FSTL5: variants seen among roughly 807,000 people sequenced by gnomAD.
FSTL5 encodes the protein follistatin-related protein 5.
In FSTL5, 62 loss-of-function variants were observed where a neutral mutation model predicts 89.1. The observed-to-expected ratio is 0.70, with a 90% CI of 0.57 to 0.86. The LOEUF is 0.86. Ranked by LOEUF, FSTL5 falls within the 40% of genes least tolerant of loss-of-function variation. FSTL5 has a pLI of 0.00. For synonymous variants in FSTL5, 383 were observed against 346.2 expected (o/e 1.11, Z -1.18); for missense variants, 1,057 against 1,001.6 (o/e 1.06, Z -0.75).
At chr4:161,749,540 G>A (rs1740321085) in intron 6 of FSTL5, among the ~76,000 whole-genome samples, 1 of 152,174 alleles carries the variant, frequency 6.6e-6, no homozygotes, top group Non-Finnish European at 1.5e-5. Flanking sequence ...GCTCACGCCT[G>A]TAATCCCAGC....
At chr4:161,718,019 T>G (rs116168050) in intron 6 of FSTL5, among the ~76,000 whole-genome samples, 2,049 of 152,298 alleles carry the variant, frequency 0.013, 41 homozygotes, top group African/African-American at 0.044. Flanking sequence ...GTTTATCACC[T>G]AATATTTGAA....
chr4:161,649,415 AATCT>A (rs1279508926), intron 7 of FSTL5, among the ~76,000 whole-genome samples: 14 of 152,322 alleles, frequency 9.2e-5, no homozygotes, highest in African/African-American at 3.1e-4. Flanking sequence ...AAAACACATC[AATCT>A]AAGTGTCAAT....
At chr4:161,694,323 C>G (rs747984985) in intron 6 of FSTL5, among the ~76,000 whole-genome samples, 1 of 152,014 alleles carries the variant, frequency 6.6e-6, no homozygotes, top group Non-Finnish European at 1.5e-5. Flanking sequence ...ATGGTAGGTA[C>G]CTTAGGCTTT....
In FSTL5 at chr4:161,611,158, G is replaced by GTA. The variant is rs1162566749; in HGVS notation, c.895-23585_895-23584dup. Among the ~76,000 whole-genome samples the GTA allele has an allele frequency of 6.1e-3, 883 of 144,728 alleles. 13 individuals are homozygous for GTA. Among genetic ancestry groups the GTA allele is most frequent in the South Asian group, 0.044 (204 of 4,632 alleles). 94.9% of individuals were successfully genotyped at this position (144,728 alleles called of 152,430 possible). ...TATATGTATCTATATATATGTGTGT[G>GTA]TATATATATATGTGTATATATGTAT... On this transcript the variant is annotated intron_variant, in intron 7 of 15. Coordinates refer to ENST00000306100, the MANE Select transcript of FSTL5 (RefSeq NM_020116.5).
chr4:161,494,610 C>T (rs539000123), intron 12 of FSTL5, among the ~76,000 whole-genome samples: 1 of 152,258 alleles, frequency 6.6e-6, no homozygotes, highest in East Asian at 1.9e-4. Context: ...TCTTTTCTAA[C>T]AGACTGGTAA....
chr4:161,977,014 G>A (rs1433318582), intron 3 of FSTL5, among the ~76,000 whole-genome samples: 2 of 152,216 alleles, frequency 1.3e-5, no homozygotes, highest in East Asian at 3.9e-4. Context: ...TTCAGATAAG[G>A]ACAGTTATAA....
At chr4:162,083,231 A>T (rs1240528810) in intron 2 of FSTL5, among the ~76,000 whole-genome samples, 2 of 151,820 alleles carry the variant, frequency 1.3e-5, no homozygotes, top group Non-Finnish European at 2.9e-5. Flanking sequence ...CATGCAGAGA[A>T]CATACAAGTA....
chr4:161,890,825 T>A (rs1732964860), intron 4 of FSTL5, among the ~76,000 whole-genome samples: 1 of 151,636 alleles, frequency 6.6e-6, no homozygotes, highest in South Asian at 2.1e-4. Flanking sequence ...CATAAGAAAA[T>A]CAGTTATAAA....
intron 4 of FSTL5, among the ~76,000 whole-genome samples, chr4:161,832,802 T>C (rs1730892511): frequency 1.3e-5 from 2 of 151,344 alleles, no homozygotes; most frequent in Non-Finnish European, 1.5e-5. Flanking sequence ...TAGCGGTCTA[T>C]CAATTTTGTT....
chr4:161,680,627 A>G (rs1229610301), intron 6 of FSTL5, among the ~76,000 whole-genome samples: 1 of 150,568 alleles, frequency 6.6e-6, no homozygotes, highest in East Asian at 2.0e-4. Context: ...TTCTTAAGAG[A>G]TTAGAGTTTG....
intron 4 of FSTL5, among the ~76,000 whole-genome samples, chr4:161,825,214 AC>A (rs1301469444): frequency 6.6e-6 from 1 of 152,084 alleles, no homozygotes. Context: ...TGTATGTGAA[AC>A]CATCCCTGCA....
rs1189415961 is a variant in FSTL5, at chr4:161,616,576, T to C, written c.895-29001A>G. On this transcript the variant is annotated intron_variant, in intron 7 of 15. Transcript: ENST00000306100. Reference sequence around the variant, plus strand: ...CCCATTATGGGACTTCACCTTGTGATTGTGTGAGTCAATACTCCTGAATAA... The same window carrying C: ...CCCATTATGGGACTTCACCTTGTGACTGTGTGAGTCAATACTCCTGAATAA... 2.6e-5 allele frequency among the ~76,000 whole-genome samples: 4 copies of C among 152,158 alleles called. No homozygotes were observed. The East Asian group carries it at 5.8e-4, about 22-fold the overall frequency.
chr4:161,459,191 A>C (rs778404498), intron 14 of FSTL5, 21 bp downstream of exon 14: 37 of 1,264,506 alleles, frequency 2.9e-5, no homozygotes, highest in Non-Finnish European at 4.1e-5. Context: ...TATTTTCTCT[A>C]ATATACTGAA....
At position 161,517,298 on chromosome 4, in the gene FSTL5, T is replaced by C. The variant is rs556919609; in HGVS notation, c.1313-6874A>G. Among the ~76,000 whole-genome samples, 10 of 152,296 alleles carry C rather than the reference T, an allele frequency of 6.6e-5. No individual in the cohort carries two copies. The East Asian group carries it at 1.5e-3, about 24-fold the overall frequency. The stretch of plus-strand genomic sequence containing the variant: ...CCTGTGAAACAACTAATGTACTCAA[T>C]ATACAATAAAAATTATCTGCTTTGA... On this transcript the variant is annotated intron_variant, in intron 10 of 15. Transcript: ENST00000306100.
At chr4:161,619,652 C>G (rs1044178019) in intron 7 of FSTL5, among the ~76,000 whole-genome samples, 2 of 152,220 alleles carry the variant, frequency 1.3e-5, no homozygotes, top group South Asian at 2.1e-4. Context: ...CCATCTCACA[C>G]CAGTTAGAAT....
intron 2 of FSTL5, among the ~76,000 whole-genome samples, chr4:162,053,746 A>G (rs35954310): frequency 0.29 from 43,754 of 151,622 alleles, 6,349 homozygotes; most frequent in African/African-American, 0.32. Context: ...TACATATAAC[A>G]TCAAATCCAA....
chr4:162,026,304 C>CTTTTTTTCTTTTTTTTTTTTTTT (rs1737282573), intron 3 of FSTL5, among the ~76,000 whole-genome samples: 1 of 79,474 alleles, frequency 1.3e-5, no homozygotes, highest in Non-Finnish European at 2.2e-5. Context: ...TATGTATTTT[C>CTTTTTTTCTTTTTTTTTTTTTTT]TTTTTTTTTT....
chr4:161,774,277 G>T (rs1741318263), intron 5 of FSTL5, among the ~76,000 whole-genome samples: 3 of 152,112 alleles, frequency 2.0e-5, no homozygotes, highest in African/African-American at 7.2e-5. Flanking sequence ...ACCTGAAGCT[G>T]AAAGAAGCAA....
chr4:161,482,688 A>G (rs534800833), intron 12 of FSTL5, among the ~76,000 whole-genome samples: 11 of 152,330 alleles, frequency 7.2e-5, no homozygotes, highest in African/African-American at 2.6e-4. Flanking sequence ...CTCAGGCTGC[A>G]TAACCATCAT....
Sources: allele counts gnomAD v4.1 joint callset (sites outside exome capture counted in the v4.1 genomes callset), GRCh38; gene constraint gnomAD v4.1.1; transcripts MANE v1.5; gene names NCBI Gene and HGNC (gene_info 2026-07-23, HGNC 2026-07-21).